The following ACTG2 variants were observed in gnomAD, a reference collection of about 807,000 sequenced individuals.
ACTG2 encodes actin gamma 2, smooth muscle, also known as actin, gamma-enteric smooth muscle.
A neutral mutation model predicts 37.6 loss-of-function variants in ACTG2; 16 were observed. That is an observed-to-expected ratio of 0.43 (90% CI 0.29 to 0.65). ACTG2 has a LOEUF of 0.65. Ranked by LOEUF, ACTG2 falls within the 30% of genes least tolerant of loss-of-function variation. ACTG2 has a pLI of 0.18. For synonymous variants in ACTG2, 181 were observed against 179.9 expected (o/e 1.01, Z -0.05); for missense variants, 238 against 490.9 (o/e 0.48, Z 4.87).
chr2:73,901,179 C>T, intron 1 of ACTG2, 97 bp from the exon 2 acceptor site: 1 of 1,017,902 alleles, frequency 9.8e-7, no homozygotes, highest in Non-Finnish European at 1.4e-6. Flanking sequence ...GGAAGTGTGC[C>T]CTGATTGCAG....
chr2:73,902,416 C>G lies in ACTG2; in HGVS notation c.183C>G (p.Ser61Arg), dbSNP rs1220479216. The G allele has an allele frequency of 1.9e-6, 3 of 1,613,908 alleles. No individual in the cohort carries two copies. Among genetic ancestry groups the G allele is most frequent in the South Asian group, 1.1e-5 (1 of 91,082 alleles). Residue 61 changes from serine (S) to arginine (R), a missense_variant, in exon 3 of 9, where the codon AGC (serine) becomes AGG (arginine). Ser to Arg is a moderately radical substitution (Grantham distance 110, BLOSUM62 -1). Transcript: ENST00000345517. ...GCTATGTGGGGGATGAGGCTCAGAG[C>G]AAGCGAGGGATCCTAACTCTCAAAT... ...KDSYVGDEAQSKRGILTLKYP... is the reference protein window; with the variant it reads ...KDSYVGDEAQRKRGILTLKYP...
chr2:73,901,082 T>C (rs944054257), intron 1 of ACTG2, among the ~76,000 whole-genome samples, 194 bp from the exon 2 acceptor site: 2 of 152,068 alleles, frequency 1.3e-5, no homozygotes, highest in Admixed American at 6.5e-5. Flanking sequence ...ACATGAATTT[T>C]TGGGGGGACA....
chr2:73,902,790 C>T, intron 3 of ACTG2: 1 of 1,541,734 alleles, frequency 6.5e-7, no homozygotes, highest in Non-Finnish European at 8.7e-7. Flanking sequence ...CACTCACCTC[C>T]TCAGAAATCT....
intron 8 of ACTG2, among the ~76,000 whole-genome samples, chr2:73,917,484 G>A (rs1680294515): frequency 6.6e-6 from 1 of 152,198 alleles, no homozygotes; most frequent in Admixed American, 6.5e-5. Flanking sequence ...TCTGCAGGAT[G>A]GGAGCTTCTC....
intron 7 of ACTG2, among the ~76,000 whole-genome samples, chr2:73,916,150 A>T (rs1680262354): frequency 1.3e-5 from 2 of 152,026 alleles, no homozygotes; most frequent in Admixed American, 1.3e-4. Context: ...GGCCGAGATG[A>T]GTGGATCACA....
intron 7 of ACTG2, 62 bp from the exon 8 acceptor site, chr2:73,916,522 A>C: frequency 6.8e-7 from 1 of 1,463,810 alleles, no homozygotes; most frequent in Non-Finnish European, 9.3e-7. Flanking sequence ...TCATTTGAGG[A>C]GCTGGAGGTG....
intron 4 of ACTG2, 35 bp from the exon 5 acceptor site, chr2:73,909,020 G>T: frequency 1.3e-6 from 2 of 1,596,316 alleles, no homozygotes; most frequent in Non-Finnish European, 1.7e-6. Context: ...TGTGATTTTT[G>T]CCAAATAATC....
chr2:73,913,241 G>A (rs1680181901), intron 5 of ACTG2, among the ~76,000 whole-genome samples: 1 of 150,886 alleles, frequency 6.6e-6, no homozygotes, highest in South Asian at 2.1e-4. Context: ...CCAGTAATGT[G>A]TTTCAAGGAA....
intron 2 of ACTG2, 81 bp from the exon 3 acceptor site, chr2:73,902,278 CT>C (rs1457172257): frequency 6.6e-7 from 1 of 1,519,686 alleles, no homozygotes; most frequent in Admixed American, 1.8e-5. Context: ...CCTTATCCTT[CT>C]TCAGAGACCT....
At chr2:73,901,532 A>ATGTGTGTGTGTGTGTGTG (rs58042852) in intron 2 of ACTG2, 95 bp downstream of exon 2, 2 of 1,144,926 alleles carry the variant, frequency 1.7e-6, no homozygotes, top group East Asian at 3.2e-5. Context: ...GGGGAAGGAA[A>ATGTGTGTGTGTGTGTGTG]TGTGTGTGTG....
At chr2:73,901,166 C>G in intron 1 of ACTG2, 110 bp from the exon 2 acceptor site, 1 of 897,300 alleles carries the variant, frequency 1.1e-6, no homozygotes, top group South Asian at 2.1e-5. Flanking sequence ...GCCTGTCCCT[C>G]CTGGAAGTGT....
At position 73,901,532 on chromosome 2, in the gene ACTG2, A is replaced by ATGTGTGTGTG. The variant is rs58042852; in HGVS notation, c.126+135_126+144dup. 3.4e-4 allele frequency: 387 copies of ATGTGTGTGTG among 1,144,754 alleles called. 1 individual carries two copies. The East Asian group carries it at 5.2e-3, about 16-fold the overall frequency. 70.9% of individuals were successfully genotyped at this position (1,144,754 alleles called of 1,614,324 possible). A position where few individuals can be genotyped will look rare whatever the true frequency, so the allele number is the denominator to read the frequency against. On this transcript the variant is annotated intron_variant, in intron 2 of 8. Transcript: ENST00000345517. Reference sequence around the variant, plus strand: ...CTGAGCTGGGGGTTAGGGGAAGGAAATGTGTGTGTGTGTGTGTGTGTGTGT... The same window carrying ATGTGTGTGTG: ...CTGAGCTGGGGGTTAGGGGAAGGAAATGTGTGTGTGTGTGTGTGTGTGTGTGTGTGTGTGT...
intron 1 of ACTG2, chr2:73,897,440 C>CTA (rs1679773781): frequency 6.6e-6 from 1 of 152,346 alleles, no homozygotes; most frequent in Non-Finnish European, 1.5e-5. Context: ...GGACCACCTG[C>CTA]TAGAACAGGG....
chr2:73,899,686 C>G (rs1411519378), intron 1 of ACTG2, among the ~76,000 whole-genome samples: 1 of 152,174 alleles, frequency 6.6e-6, no homozygotes, highest in African/African-American at 2.4e-5. Flanking sequence ...TTGCTGCCTC[C>G]TCATTGACAT....
At chr2:73,913,868 C>T (rs978518857) in intron 6 of ACTG2, among the ~76,000 whole-genome samples, 2 of 152,188 alleles carry the variant, frequency 1.3e-5, no homozygotes, top group Non-Finnish European at 2.9e-5. Context: ...CACGTCCACA[C>T]CAGGACTAGG....
intron 3 of ACTG2, among the ~76,000 whole-genome samples, chr2:73,903,833 G>A (rs1397827014): frequency 2.0e-5 from 3 of 151,214 alleles, no homozygotes; most frequent in Non-Finnish European, 2.9e-5. Flanking sequence ...CCAGCTACTC[G>A]GGAGGCTGCG....
intron 3 of ACTG2, among the ~76,000 whole-genome samples, chr2:73,904,674 T>C (rs1205776312): frequency 1.3e-5 from 2 of 148,958 alleles, no homozygotes; most frequent in South Asian, 2.1e-4. Context: ...TTTTTAAAAA[T>C]GTATATATGT....
intron 8 of ACTG2, among the ~76,000 whole-genome samples, 173 bp from the exon 9 acceptor site, chr2:73,919,259 A>G (rs1390511032): frequency 6.6e-6 from 1 of 152,212 alleles, no homozygotes; most frequent in African/African-American, 2.4e-5. Flanking sequence ...CATGGAAGGA[A>G]TAAGGGAAGA....
chr2:73,918,413 G>A (rs1315345185), intron 8 of ACTG2, among the ~76,000 whole-genome samples: 1 of 152,204 alleles, frequency 6.6e-6, no homozygotes, highest in Non-Finnish European at 1.5e-5. Context: ...GAGCATTTGT[G>A]TGACTTTTGT....
Sources: gnomAD v4.1 joint callset for allele counts (sites outside exome capture counted in the v4.1 genomes callset) on GRCh38, gnomAD v4.1.1 for gene constraint, MANE v1.5 for transcripts, NCBI Gene and HGNC (gene_info 2026-07-23, HGNC 2026-07-21) for gene names.